Variants in PREX1 observed in about 807,000 individuals in gnomAD.
The protein encoded by PREX1 is phosphatidylinositol 3,4,5-trisphosphate-dependent Rac exchanger 1 protein.
A neutral mutation model predicts 198.3 loss-of-function variants in PREX1; 41 were observed. The ratio of observed to expected loss-of-function variants is 0.21; its 90% CI spans 0.16 to 0.27. The LOEUF is 0.27. Among genes scored for constraint, PREX1 ranks in the 10% least tolerant of loss-of-function variants. PREX1 has a pLI of 1.00. For synonymous variants in PREX1, 843 were observed against 887.2 expected (o/e 0.95, Z 0.89); for missense variants, 1,620 against 2,200.7 (o/e 0.74, Z 5.28).
In PREX1 at chr20:48,769,910, C is replaced by T. The variant is rs112558371; in HGVS notation, c.220-22030G>A. ...TCACTGTCTGTCTTCACTGCACACA[C>T]GGTGAGGGAGAGAGCTTTTGTCTGT... is the stretch of plus-strand genomic sequence containing the variant. On this transcript the variant is annotated intron_variant, in intron 1 of 39. Coordinates refer to ENST00000371941, the MANE Select transcript of PREX1 (RefSeq NM_020820.4). Among the ~76,000 whole-genome samples the T allele has an allele frequency of 4.2e-3, 647 of 152,258 alleles. 8 individuals are homozygous for T. The highest frequency in any genetic ancestry group is 0.014 in the African/African-American group (573 of 41,514).
intron 1 of PREX1, among the ~76,000 whole-genome samples, chr20:48,799,072 C>T (rs924841787): frequency 6.6e-6 from 1 of 152,092 alleles, no homozygotes; most frequent in Admixed American, 6.5e-5. Context: ...TTAGTAGAGA[C>T]GGGGTTTCAC....
At chr20:48,769,220 C>G (rs1375445564) in intron 1 of PREX1, among the ~76,000 whole-genome samples, 1 of 152,088 alleles carries the variant, frequency 6.6e-6, no homozygotes, top group Non-Finnish European at 1.5e-5. Context: ...GATTCGGGAA[C>G]AGGAAGCCTG....
intron 1 of PREX1, among the ~76,000 whole-genome samples, chr20:48,802,000 C>A (rs13038731): frequency 0.17 from 26,385 of 152,184 alleles, 2,882 homozygotes; most frequent in Admixed American, 0.24. Flanking sequence ...CTTCATCAGA[C>A]ACCATGGCCA....
chr20:48,679,933 T>C (rs2089737954), intron 11 of PREX1, among the ~76,000 whole-genome samples, 179 bp from the exon 12 acceptor site: 1 of 151,632 alleles, frequency 6.6e-6, no homozygotes, highest in Admixed American at 6.6e-5. Context: ...ACGAGGTGGG[T>C]GCTATGACTT....
At chr20:48,840,267 G>A in the PREX1 span, among the ~76,000 whole-genome samples, 126 of 151,100 alleles carry the variant, frequency 8.3e-4, no homozygotes, top group African/African-American at 3.0e-3. Context: ...CTCCTGCCTT[G>A]GCCTCCCAAA....
Position 48,713,419 on chromosome 20 carries a change from T to C in PREX1, c.622-4998A>G, listed in dbSNP as rs191812384. 7.2e-5 allele frequency among the ~76,000 whole-genome samples: 11 copies of C among 152,256 alleles called. No homozygotes were observed. The East Asian group carries it at 1.9e-3, about 27-fold the overall frequency. ...GTGAGCCAAGATTAAGCCCCTGCAC[T>C]CCAGCCTGGGCAACAGAGTGAGACT... On this transcript the variant is annotated intron_variant, in intron 5 of 39. Coordinates refer to ENST00000371941, the MANE Select transcript of PREX1 (RefSeq NM_020820.4).
chr20:48,829,754 G>A (rs2090532265), upstream of PREX1, among the ~76,000 whole-genome samples: 1 of 152,138 alleles, frequency 6.6e-6, no homozygotes, highest in Non-Finnish European at 1.5e-5. Flanking sequence ...ACCACGAGGG[G>A]AGAACATGGC....
intron 18 of PREX1, 145 bp from the exon 19 acceptor site, chr20:48,655,520 C>A: frequency 1.6e-6 from 1 of 635,686 alleles, no homozygotes; most frequent in Admixed American, 3.9e-5. Flanking sequence ...ACCAGGCTTT[C>A]CAGCTCCCAA....
At chr20:48,685,264 G>A (rs2089777591) in intron 10 of PREX1, among the ~76,000 whole-genome samples, 1 of 152,160 alleles carries the variant, frequency 6.6e-6, no homozygotes, top group Non-Finnish European at 1.5e-5. Context: ...GATGCCAGAG[G>A]GCACAGGCCA....
intron 2 of PREX1, among the ~76,000 whole-genome samples, chr20:48,747,206 A>T (rs1279963071): frequency 6.6e-6 from 1 of 152,198 alleles, no homozygotes; most frequent in Non-Finnish European, 1.5e-5. Context: ...CACCTTGGAC[A>T]CCAGGACCCT....
intron 1 of PREX1, among the ~76,000 whole-genome samples, chr20:48,813,446 T>C (rs1427236310): frequency 6.6e-6 from 1 of 152,138 alleles, no homozygotes; most frequent in East Asian, 1.9e-4. Flanking sequence ...TAGGGAACAC[T>C]TGGGGAGAAA....
chr20:48,824,407 C>A (rs2090500102), intron 1 of PREX1, among the ~76,000 whole-genome samples: 1 of 152,112 alleles, frequency 6.6e-6, no homozygotes, highest in Non-Finnish European at 1.5e-5. Flanking sequence ...TCACTCAGAG[C>A]CCCCATCCTC....
intron 5 of PREX1, among the ~76,000 whole-genome samples, chr20:48,723,091 G>C (rs1160390653): frequency 6.6e-6 from 1 of 152,218 alleles, no homozygotes; most frequent in Admixed American, 6.5e-5. Context: ...GAATGTTCCA[G>C]CTATTCTTAG....
chr20:48,878,103 T>C, the PREX1 span, among the ~76,000 whole-genome samples: 15 of 151,896 alleles, frequency 9.9e-5, no homozygotes, highest in East Asian at 2.5e-3. Context: ...AGTGAGACTC[T>C]GTCTCACACA....
intron 5 of PREX1, among the ~76,000 whole-genome samples, chr20:48,710,317 T>C (rs1026123835): frequency 1.3e-5 from 2 of 152,206 alleles, no homozygotes; most frequent in South Asian, 4.1e-4. Context: ...GCCTGAGCTG[T>C]GGAGGCTGGG....
At chr20:48,803,304 C>A (rs1338981875) in intron 1 of PREX1, among the ~76,000 whole-genome samples, 2 of 152,130 alleles carry the variant, frequency 1.3e-5, no homozygotes, top group Non-Finnish European at 2.9e-5. Context: ...ATCCTTCCTC[C>A]CTCAGACCCA....
chr20:48,638,673 G>T (rs1260202689), intron 30 of PREX1, among the ~76,000 whole-genome samples: 2 of 151,810 alleles, frequency 1.3e-5, no homozygotes. Context: ...CAGGCAGCCA[G>T]GCCAGAACTC....
intron 1 of PREX1, among the ~76,000 whole-genome samples, chr20:48,800,065 G>A (rs1278097616): frequency 6.6e-6 from 1 of 152,204 alleles, no homozygotes; most frequent in East Asian, 1.9e-4. Flanking sequence ...TCCTGTCCAT[G>A]TGGGACTCTG....
intron 5 of PREX1, among the ~76,000 whole-genome samples, chr20:48,715,362 G>C (rs1452509938): frequency 2.0e-5 from 3 of 152,218 alleles, no homozygotes; most frequent in Non-Finnish European, 4.4e-5. Context: ...AAGGTAGTAA[G>C]TTCCCCATCA....
Sources: allele counts gnomAD v4.1 joint callset (sites outside exome capture counted in the v4.1 genomes callset), GRCh38; gene constraint gnomAD v4.1.1; transcripts MANE v1.5; gene names NCBI Gene and HGNC (gene_info 2026-07-23, HGNC 2026-07-21).